The following NUDC variants were observed in gnomAD, a reference collection of about 807,000 sequenced individuals.
The protein encoded by NUDC is nuclear distribution C, dynein complex regulator.
A neutral mutation model predicts 45.0 loss-of-function variants in NUDC; 14 were observed. The observed-to-expected ratio is 0.31, with a 90% CI of 0.21 to 0.49. The LOEUF is 0.49. Ranked by LOEUF, NUDC falls within the 20% of genes least tolerant of loss-of-function variation. NUDC has a pLI of 0.99. For missense variants in NUDC, 323 were observed against 426.2 expected (o/e 0.76, Z 2.13); for synonymous variants, 153 against 156.7 (o/e 0.98, Z 0.17).
chr1:26,918,299 T>TC (rs2082072205), upstream of NUDC, among the ~76,000 whole-genome samples: 1 of 141,256 alleles, frequency 7.1e-6, no homozygotes, highest in East Asian at 2.0e-4. Flanking sequence ...TTTTTTTTTT[T>TC]GAGACGGAGT....
intron 2 of NUDC, among the ~76,000 whole-genome samples, chr1:26,904,039 A>T (rs1286524179): frequency 2.1e-5 from 3 of 140,034 alleles, no homozygotes; most frequent in Non-Finnish European, 4.6e-5. Flanking sequence ...AATAAATTAA[A>T]TAAATAAATA....
chr1:26,908,509 G>T (rs979603556), intron 2 of NUDC, among the ~76,000 whole-genome samples: 1 of 152,150 alleles, frequency 6.6e-6, no homozygotes, highest in African/African-American at 2.4e-5. Flanking sequence ...CCAACCATGT[G>T]GATTGGTAGG....
chr1:26,922,192 C>A, intron 1 of NUDC: 1 of 553,348 alleles, frequency 1.8e-6, no homozygotes, highest in Non-Finnish European at 3.2e-6. Context: ...TTCACATATG[C>A]CCCCACCCCC....
chr1:26,926,538 T>C (rs985040035), intron 2 of NUDC, among the ~76,000 whole-genome samples: 17 of 152,104 alleles, frequency 1.1e-4, no homozygotes, highest in Non-Finnish European at 2.1e-4. Context: ...TGCCGCAAAC[T>C]TACAAAAAAA....
chr1:26,945,792 C>G (rs2082313278), intron 8 of NUDC, 106 bp downstream of exon 8: 7 of 867,616 alleles, frequency 8.1e-6, no homozygotes, highest in South Asian at 6.6e-5. Context: ...CTGCCCTGCC[C>G]CCTTTCCAGC....
intron 2 of NUDC, among the ~76,000 whole-genome samples, chr1:26,933,844 TG>T (rs1223174656): frequency 2.6e-5 from 4 of 152,178 alleles, no homozygotes; most frequent in African/African-American, 9.7e-5. Flanking sequence ...TACCCCAGAC[TG>T]GGTAATTCAT....
intron 2 of NUDC, among the ~76,000 whole-genome samples, chr1:26,927,734 C>T (rs1042074500): frequency 2.0e-5 from 3 of 151,936 alleles, no homozygotes; most frequent in Admixed American, 6.6e-5. Flanking sequence ...CAGTCCTTAC[C>T]TTACAAGGAT....
chr1:26,902,553 A>C (rs150641066), intron 2 of NUDC, among the ~76,000 whole-genome samples: 30 of 152,244 alleles, frequency 2.0e-4, no homozygotes, highest in African/African-American at 7.2e-4. Context: ...CTTCTATTGC[A>C]ATAGTTCCTT....
chr1:26,911,622 G>A (rs1373015692), intron 3 of NUDC: 2 of 583,752 alleles, frequency 3.4e-6, no homozygotes, highest in Non-Finnish European at 6.2e-6. Context: ...TGGCCCAGAG[G>A]CTGTGGGGAC....
chr1:26,919,672 G>A (rs1281845267), upstream of NUDC, among the ~76,000 whole-genome samples: 1 of 152,138 alleles, frequency 6.6e-6, no homozygotes, highest in Non-Finnish European at 1.5e-5. Flanking sequence ...GTGACTGCCA[G>A]CCACCCAGCT....
chr1:26,938,253 T>C (rs1158861721), intron 2 of NUDC, among the ~76,000 whole-genome samples: 1 of 152,156 alleles, frequency 6.6e-6, no homozygotes, highest in Middle Eastern at 3.2e-3. Flanking sequence ...GAGGCTGCTG[T>C]GATTGGCCTT....
At chr1:26,937,425 A>G (rs1039551290) in intron 2 of NUDC, among the ~76,000 whole-genome samples, 2 of 152,042 alleles carry the variant, frequency 1.3e-5, no homozygotes, top group Non-Finnish European at 2.9e-5. Flanking sequence ...GACTGCAGGC[A>G]TATGCCACCG....
intron 2 of NUDC, among the ~76,000 whole-genome samples, chr1:26,924,821 G>A (rs1306198883): frequency 1.3e-5 from 2 of 152,018 alleles, no homozygotes; most frequent in African/African-American, 4.8e-5. Context: ...AAAGTGCTGG[G>A]ATTACAGGTA....
Position 26,912,231 on chromosome 1 carries a change from T to C in NUDC, c.93+996T>C, listed in dbSNP as rs1361174237. Reference sequence around the variant, plus strand: ...GAGGTCCCACTACTACCTCCTCCTTTAGAGGAGGTAATTTATTTATCAATT... The same window carrying C: ...GAGGTCCCACTACTACCTCCTCCTTCAGAGGAGGTAATTTATTTATCAATT... On this transcript the variant is annotated intron_variant, in intron 3 of 6. Transcript: ENST00000435827. The C allele has an allele frequency of 1.7e-5, 14 of 803,114 alleles. No individual in the cohort carries two copies. In the Admixed American group the frequency reaches 3.7e-4, roughly 21 times the overall value. The allele number at this position is 803,114 out of a possible 1,614,324, so 49.7% of individuals were successfully genotyped here. A position where few individuals can be genotyped will look rare whatever the true frequency, so the allele number is the denominator to read the frequency against.
chr1:26,925,981 C>T (rs1313843577), intron 2 of NUDC, among the ~76,000 whole-genome samples: 2 of 151,422 alleles, frequency 1.3e-5, no homozygotes, highest in African/African-American at 2.4e-5. Flanking sequence ...CTTGGCCTCC[C>T]GAAGTGCTGG....
At chr1:26,914,692 C>A (rs1241188785) in intron 3 of NUDC, among the ~76,000 whole-genome samples, 1 of 152,118 alleles carries the variant, frequency 6.6e-6, no homozygotes, top group African/African-American at 2.4e-5. Context: ...GCCAGCCGGG[C>A]ACGGTGGCTC....
chr1:26,923,742 G>A (rs531962668), intron 1 of NUDC, among the ~76,000 whole-genome samples: 1 of 152,248 alleles, frequency 6.6e-6, no homozygotes, highest in South Asian at 2.1e-4. Context: ...GAAGTACTGG[G>A]ATTATAGGTG....
chr1:26,944,967 G>A (rs1247328982), intron 6 of NUDC, among the ~76,000 whole-genome samples: 8 of 152,004 alleles, frequency 5.3e-5, no homozygotes, highest in African/African-American at 1.7e-4. Context: ...GCTTGAACCC[G>A]GGAGGCAGAG....
chr1:26,933,592 C>T (rs2082201173), intron 2 of NUDC, among the ~76,000 whole-genome samples: 1 of 151,450 alleles, frequency 6.6e-6, no homozygotes, highest in Admixed American at 6.6e-5. Context: ...TTTTGTATTT[C>T]TATTAGAGAC....
Sources: gnomAD v4.1 joint callset for allele counts (sites outside exome capture counted in the v4.1 genomes callset) on GRCh38, gnomAD v4.1.1 for gene constraint, MANE v1.5 for transcripts, NCBI Gene and HGNC (gene_info 2026-07-23, HGNC 2026-07-21) for gene names.